The following CDKAL1 variants were observed in gnomAD, a reference collection of about 807,000 sequenced individuals.
CDKAL1 encodes CDKAL1 threonylcarbamoyladenosine tRNA methylthiotransferase.
Under a neutral mutation model 68.2 loss-of-function variants are expected in CDKAL1, and 32 were observed. That is an observed-to-expected ratio of 0.47 (90% CI 0.35 to 0.63). The LOEUF is 0.63. Among genes scored for constraint, CDKAL1 ranks in the 30% least tolerant of loss-of-function variants. The probability of loss-of-function intolerance (pLI) is 0.00; values close to 1 mark genes in which losing one functional copy is unlikely to be tolerated. For missense variants in CDKAL1, 606 were observed against 696.7 expected (o/e 0.87, Z 1.47); for synonymous variants, 234 against 244.3 (o/e 0.96, Z 0.39).
At chr6:20,982,457 C>T (rs1766204912) in intron 10 of CDKAL1, among the ~76,000 whole-genome samples, 1 of 151,990 alleles carries the variant, frequency 6.6e-6, no homozygotes, top group Admixed American at 6.6e-5. Flanking sequence ...GCCAGGTTAA[C>T]ATAAGGTATT....
intron 13 of CDKAL1, among the ~76,000 whole-genome samples, chr6:21,150,069 A>G (rs568714481): frequency 1.3e-5 from 2 of 151,922 alleles, no homozygotes; most frequent in Admixed American, 6.6e-5. Flanking sequence ...ATTGTTAGCC[A>G]GGTTGGTCTC....
chr6:21,086,659 T>A (rs966573646), intron 12 of CDKAL1, among the ~76,000 whole-genome samples: 12 of 152,114 alleles, frequency 7.9e-5, no homozygotes, highest in African/African-American at 2.4e-4. Flanking sequence ...TTCCTAACAG[T>A]TCCCAGAGAC....
At chr6:20,683,183 C>T (rs1313362603) in intron 5 of CDKAL1, among the ~76,000 whole-genome samples, 4 of 152,102 alleles carry the variant, frequency 2.6e-5, no homozygotes, top group Admixed American at 2.6e-4. Flanking sequence ...AGTTTAATCC[C>T]ACTGGAGCTT....
chr6:20,895,928 G>A (rs1761657027), intron 9 of CDKAL1, among the ~76,000 whole-genome samples: 1 of 151,926 alleles, frequency 6.6e-6, no homozygotes. Flanking sequence ...CTCCACTGCA[G>A]CCTCTGATAT....
At chr6:20,596,338 C>G (rs1246463737) in intron 4 of CDKAL1, among the ~76,000 whole-genome samples, 1 of 152,228 alleles carries the variant, frequency 6.6e-6, no homozygotes, top group African/African-American at 2.4e-5. Flanking sequence ...GGGCTGTTGA[C>G]TTTCTTTCAG....
At chr6:21,013,532 T>G (rs1373342743) in intron 11 of CDKAL1, among the ~76,000 whole-genome samples, 3 of 152,222 alleles carry the variant, frequency 2.0e-5, no homozygotes, top group Admixed American at 6.5e-5. Context: ...TTACTCAGCT[T>G]GCAACCAGCT....
At chr6:20,968,927 A>G (rs576620550) in intron 10 of CDKAL1, among the ~76,000 whole-genome samples, 13 of 151,458 alleles carry the variant, frequency 8.6e-5, no homozygotes, top group African/African-American at 2.4e-4. Flanking sequence ...GACAGTTTCT[A>G]TTGTCTCCTT....
At chr6:20,901,917 C>CA (rs1278060014) in intron 9 of CDKAL1, among the ~76,000 whole-genome samples, 1 of 151,934 alleles carries the variant, frequency 6.6e-6, no homozygotes, top group Non-Finnish European at 1.5e-5. Context: ...GCTGGGACCA[C>CA]AGGTGCATGC....
intron 13 of CDKAL1, among the ~76,000 whole-genome samples, chr6:21,166,633 A>T (rs1001676665): frequency 6.6e-6 from 1 of 152,232 alleles, no homozygotes; most frequent in Non-Finnish European, 1.5e-5. Context: ...ACTATTAAAA[A>T]AACTTCAGTG....
intron 15 of CDKAL1, among the ~76,000 whole-genome samples, chr6:21,227,067 G>A (rs1240337476): frequency 6.6e-6 from 1 of 152,242 alleles, no homozygotes; most frequent in African/African-American, 2.4e-5. Context: ...TTTGAGCGAT[G>A]CAGATATGTA....
intron 4 of CDKAL1, among the ~76,000 whole-genome samples, chr6:20,616,839 C>CCA (rs756883799): frequency 0.079 from 9,550 of 121,276 alleles, 428 homozygotes; most frequent in East Asian, 0.16. Context: ...CCCGACTCTA[C>CCA]CACACACACA....
chr6:21,181,257 G>A (rs1777779344), intron 13 of CDKAL1, among the ~76,000 whole-genome samples: 1 of 152,184 alleles, frequency 6.6e-6, no homozygotes, highest in Non-Finnish European at 1.5e-5. Flanking sequence ...CTCTTACAAT[G>A]GCACTTAAAT....
At chr6:21,222,199 G>A (rs1177548547) in intron 15 of CDKAL1, among the ~76,000 whole-genome samples, 3 of 152,202 alleles carry the variant, frequency 2.0e-5, no homozygotes, top group Non-Finnish European at 2.9e-5. Flanking sequence ...CAGTTCGCAT[G>A]TGTATGTATG....
intron 15 of CDKAL1, among the ~76,000 whole-genome samples, chr6:21,219,983 T>G (rs1031379558): frequency 1.3e-5 from 2 of 152,200 alleles, no homozygotes; most frequent in African/African-American, 4.8e-5. Flanking sequence ...AAAGATTTCT[T>G]CATCAGTAAA....
At position 20,765,408 on chromosome 6, in the gene CDKAL1, G is replaced by A. The variant is rs1232469513; in HGVS notation, c.517+6765G>A. 6.6e-5 allele frequency among the ~76,000 whole-genome samples: 2 copies of A among 30,238 alleles called. 1 individual carries two copies. The highest frequency in any genetic ancestry group is 2.6e-4 in the African/African-American group (2 of 7,754). The allele number at this position is 30,238 out of a possible 152,430, so 19.8% of individuals were successfully genotyped here. A position where few individuals can be genotyped will look rare whatever the true frequency, so the allele number is the denominator to read the frequency against. ...CCTGACCTCGTGATCCGCCCGCCTC[G>A]GCCTCCCAAAGTGCTGGGATTACAG... On this transcript the variant is annotated intron_variant, in intron 7 of 15. Transcript: ENST00000274695.
At chr6:20,623,641 G>C (rs1294942759) in intron 4 of CDKAL1, among the ~76,000 whole-genome samples, 1 of 152,190 alleles carries the variant, frequency 6.6e-6, no homozygotes, top group East Asian at 1.9e-4. Context: ...CAAAGTTGGA[G>C]GGTAGTTATT....
At chr6:21,094,904 A>T (rs1374253823) in intron 12 of CDKAL1, among the ~76,000 whole-genome samples, 1 of 152,264 alleles carries the variant, frequency 6.6e-6, no homozygotes, top group African/African-American at 2.4e-5. Context: ...TAACTCTTTT[A>T]AAATTATCAC....
chr6:20,886,923 C>T, intron 9 of CDKAL1, among the ~76,000 whole-genome samples: 1 of 152,118 alleles, frequency 6.6e-6, no homozygotes, highest in East Asian at 1.9e-4. Flanking sequence ...AGAAAATATT[C>T]ACATTTATTT....
chr6:21,134,496 G>A (rs1775481720), intron 13 of CDKAL1, among the ~76,000 whole-genome samples: 1 of 152,164 alleles, frequency 6.6e-6, no homozygotes, highest in Non-Finnish European at 1.5e-5. Flanking sequence ...CTTCTTGTAT[G>A]TGCCCCAAAT....
Sources: allele counts gnomAD v4.1 joint callset (sites outside exome capture counted in the v4.1 genomes callset), GRCh38; gene constraint gnomAD v4.1.1; transcripts MANE v1.5; gene names NCBI Gene and HGNC (gene_info 2026-07-23, HGNC 2026-07-21).